The following NEDD9 variants were observed in gnomAD, a reference collection of about 807,000 sequenced individuals.
The protein encoded by NEDD9 is neural precursor cell expressed, developmentally down-regulated 9, also known as enhancer of filamentation 1.
NEDD9 carries 26 observed loss-of-function variants against 76.6 expected under a neutral mutation model. The ratio of observed to expected loss-of-function variants is 0.34; its 90% CI spans 0.25 to 0.47. The LOEUF is 0.47. NEDD9 is among the 20% of genes least tolerant of loss of function. The probability of loss-of-function intolerance (pLI) is 1.00; values close to 1 mark genes in which losing one functional copy is unlikely to be tolerated. For missense variants in NEDD9, 937 were observed against 1,058.5 expected, an observed-to-expected ratio of 0.89 and a Z score of 1.59; for synonymous variants, 392 against 414.2, an observed-to-expected ratio of 0.95 and a Z score of 0.65.
chr6:11,222,463 C>T (rs1421697363), intron 1 of NEDD9, among the ~76,000 whole-genome samples: 1 of 152,212 alleles, frequency 6.6e-6, no homozygotes, highest in African/African-American at 2.4e-5. Context: ...GTTTTTGAAG[C>T]TGCAGCTTCT....
chr6:11,302,132 A>G (rs1761063334), intron 3 of NEDD9, among the ~76,000 whole-genome samples: 1 of 152,078 alleles, frequency 6.6e-6, no homozygotes, highest in African/African-American at 2.4e-5. Flanking sequence ...GACCAATAAA[A>G]AAGAAAAGAG....
intron 1 of NEDD9, among the ~76,000 whole-genome samples, chr6:11,357,870 G>A (rs1321290130): frequency 6.6e-6 from 1 of 152,180 alleles, no homozygotes; most frequent in Non-Finnish European, 1.5e-5. Flanking sequence ...CAGTGAGTCT[G>A]CGGTGATGAG....
chr6:11,201,353 T>G (rs376810386), intron 2 of NEDD9, among the ~76,000 whole-genome samples: 1 of 152,320 alleles, frequency 6.6e-6, no homozygotes, highest in East Asian at 1.9e-4. Context: ...ATCCATCATG[T>G]TTTGCTATGT....
chr6:11,224,480 T>C (rs7769369), intron 1 of NEDD9, among the ~76,000 whole-genome samples: 97,100 of 152,072 alleles, frequency 0.64, 31,388 homozygotes, highest in African/African-American at 0.73. Context: ...CAGGGGAGCA[T>C]GCAAGGGAAA....
chr6:11,189,916 C>T (rs369973723), intron 5 of NEDD9, 48 bp downstream of exon 5: 1 of 1,497,988 alleles, frequency 6.7e-7, no homozygotes, highest in African/African-American at 1.4e-5. Flanking sequence ...TTCTCAGGCT[C>T]CCTGCATGTG....
intron 1 of NEDD9, among the ~76,000 whole-genome samples, chr6:11,349,992 G>A (rs1206804457): frequency 6.6e-6 from 1 of 152,180 alleles, no homozygotes; most frequent in African/African-American, 2.4e-5. Context: ...ACAATGGATG[G>A]TGTGCAAATT....
chr6:11,218,453 T>G (rs1372256248), intron 1 of NEDD9, among the ~76,000 whole-genome samples: 1 of 152,044 alleles, frequency 6.6e-6, no homozygotes, highest in Non-Finnish European at 1.5e-5. Flanking sequence ...AGAATGGGTA[T>G]CTATTCAAAG....
At chr6:11,240,618 A>G (rs536976008) in intron 3 of NEDD9, among the ~76,000 whole-genome samples, 1 of 152,360 alleles carries the variant, frequency 6.6e-6, no homozygotes, top group African/African-American at 2.4e-5. Flanking sequence ...GTTTAGTGTT[A>G]TTATAACTTT....
chr6:11,330,176 C>A (rs150692347), intron 2 of NEDD9, among the ~76,000 whole-genome samples: 92 of 152,290 alleles, frequency 6.0e-4, no homozygotes, highest in African/African-American at 1.9e-3. Context: ...GTCCATACAG[C>A]GGGAGCTTAG....
chr6:11,192,573 C>T, intron 3 of NEDD9, 127 bp from the exon 4 acceptor site: 1 of 625,638 alleles, frequency 1.6e-6, no homozygotes. Flanking sequence ...TGGCAGTGCT[C>T]CATGTTATAA....
rs529049842 is a variant in NEDD9, at chr6:11,343,774, TC to T, written c.-213-9214del. Among the ~76,000 whole-genome samples the T allele has an allele frequency of 4.3e-3, 651 of 152,332 alleles. 2 individuals carry two copies. Among genetic ancestry groups the T allele is most frequent in the African/African-American group, 0.015 (618 of 41,570 alleles). On this transcript the variant is annotated intron_variant, in intron 1 of 3. Transcript: ENST00000397378. ...ACAGGCTAAAATCATACTGTGAAAC[TC>T]AATATGCTGTGAAACTCAAGACACC... is the stretch of plus-strand genomic sequence containing the variant.
rs115887158 is a variant in NEDD9 at position 11,247,770 on chromosome 6, G to T, written c.13-34043C>A. Among the ~76,000 whole-genome samples the T allele has an allele frequency of 2.4e-3, 370 of 152,270 alleles. 3 individuals are homozygous for T. The highest frequency in any genetic ancestry group is 8.6e-3 in the African/African-American group (359 of 41,554). ...TGTATTTCAAAAGATGACTTCAGTC[G>T]CATGAACACATGTATACATTTAACA... On this transcript the variant is annotated intron_variant, in intron 3 of 3. Coordinates refer to the NEDD9 transcript ENST00000397378.
At chr6:11,334,100 T>C (rs1762100890) in intron 2 of NEDD9, among the ~76,000 whole-genome samples, 1 of 152,186 alleles carries the variant, frequency 6.6e-6, no homozygotes, top group Non-Finnish European at 1.5e-5. Context: ...TAAATAAATA[T>C]AGCACATCAA....
At chr6:11,301,695 C>G (rs1253256396) in intron 3 of NEDD9, among the ~76,000 whole-genome samples, 2 of 152,162 alleles carry the variant, frequency 1.3e-5, no homozygotes, top group Non-Finnish European at 2.9e-5. Flanking sequence ...CAAATTAGAA[C>G]TCAGGATTAA....
intron 1 of NEDD9, among the ~76,000 whole-genome samples, chr6:11,225,471 A>AG (rs1491056131): frequency 6.6e-6 from 1 of 152,110 alleles, no homozygotes; most frequent in East Asian, 1.9e-4. Context: ...TTAGGGAGAA[A>AG]GAGACTAGCT....
At chr6:11,340,105 C>T (rs1762243469) in intron 1 of NEDD9, among the ~76,000 whole-genome samples, 1 of 152,238 alleles carries the variant, frequency 6.6e-6, no homozygotes, top group South Asian at 2.1e-4. Flanking sequence ...AACCCTAACT[C>T]ATTGCCTCTC....
At chr6:11,218,042 T>C (rs1389897280) in intron 1 of NEDD9, among the ~76,000 whole-genome samples, 1 of 152,260 alleles carries the variant, frequency 6.6e-6, no homozygotes, top group Non-Finnish European at 1.5e-5. Flanking sequence ...TTTCCTCTTC[T>C]CAGCTATGTG....
chr6:11,346,519 G>A (rs1452486857), intron 1 of NEDD9, among the ~76,000 whole-genome samples: 1 of 152,034 alleles, frequency 6.6e-6, no homozygotes, highest in Admixed American at 6.5e-5. Flanking sequence ...TCTTTACTGG[G>A]TAAAATAAAC....
intron 2 of NEDD9, among the ~76,000 whole-genome samples, chr6:11,331,332 T>C (rs1181552176): frequency 6.8e-6 from 1 of 147,794 alleles, no homozygotes; most frequent in Admixed American, 6.9e-5. Flanking sequence ...TTGTGAGCAT[T>C]TACTCCTCCA....
Sources: gnomAD v4.1 joint callset for allele counts (sites outside exome capture counted in the v4.1 genomes callset) on GRCh38, gnomAD v4.1.1 for gene constraint, MANE v1.5 for transcripts, NCBI Gene and HGNC (gene_info 2026-07-23, HGNC 2026-07-21) for gene names.